ZNF438: variants seen among roughly 807,000 people sequenced by gnomAD.
The protein encoded by ZNF438 is zinc finger protein 438.
Under a neutral mutation model 38.0 loss-of-function variants are expected in ZNF438, and 25 were observed. That is an observed-to-expected ratio of 0.66 (90% CI 0.48 to 0.92). ZNF438 has a LOEUF of 0.92. Among genes scored for constraint, ZNF438 ranks in the 40% least tolerant of loss-of-function variants. The pLI is 0.00. For missense variants in ZNF438, 1,007 were observed against 999.6 expected, an observed-to-expected ratio of 1.01 and a Z score of -0.10; for synonymous variants, 372 against 364.1, an observed-to-expected ratio of 1.02 and a Z score of -0.25.
In ZNF438 at chr10:30,991,133, T is replaced by C. The variant is rs1329859804; in HGVS notation, c.-192+40700A>G. 3.9e-5 allele frequency among the ~76,000 whole-genome samples: 6 copies of C among 152,222 alleles called. No homozygotes were observed. In the South Asian group the frequency reaches 8.3e-4, roughly 21 times the overall value. The stretch of plus-strand genomic sequence containing the variant: ...CCCTGCACCTCCAAGCTCTGACTTA[T>C]GTCTTAGTCTGTTTTACTTACTCGA... On this transcript the variant is annotated intron_variant, in intron 1 of 5. Coordinates refer to ENST00000413025, the Ensembl canonical transcript of ZNF438.
intron 1 of ZNF438, among the ~76,000 whole-genome samples, chr10:30,972,700 T>C (rs971729695): frequency 2.0e-5 from 3 of 152,104 alleles, no homozygotes; most frequent in Non-Finnish European, 4.4e-5. Context: ...GACCAAGACT[T>C]CAATGATGAC....
At chr10:30,873,044 T>A (rs1477889256) in intron 4 of ZNF438, among the ~76,000 whole-genome samples, 3 of 152,236 alleles carry the variant, frequency 2.0e-5, no homozygotes, top group African/African-American at 4.8e-5. Flanking sequence ...CTTGCATTTT[T>A]AATCAGTGTG....
chr10:30,907,925 T>G (rs1175539706), intron 3 of ZNF438, among the ~76,000 whole-genome samples: 1 of 152,072 alleles, frequency 6.6e-6, no homozygotes, highest in Non-Finnish European at 1.5e-5. Flanking sequence ...GGTTATCAAT[T>G]TGAGATCTTT....
At chr10:30,853,459 C>T (rs2034063248) in intron 4 of ZNF438, among the ~76,000 whole-genome samples, 1 of 152,186 alleles carries the variant, frequency 6.6e-6, no homozygotes, top group Admixed American at 6.5e-5. Context: ...ATGGTGGCCT[C>T]TTTGCTGTTC....
chr10:31,022,102 T>C (rs565922905), intron 1 of ZNF438, among the ~76,000 whole-genome samples: 1 of 152,214 alleles, frequency 6.6e-6, no homozygotes, highest in South Asian at 2.1e-4. Flanking sequence ...TTGTGACGTG[T>C]GACAAAAAGT....
chr10:30,956,434 A>C (rs926122695), intron 1 of ZNF438, among the ~76,000 whole-genome samples: 1 of 152,164 alleles, frequency 6.6e-6, no homozygotes, highest in African/African-American at 2.4e-5. Context: ...GAACATTCAA[A>C]GCTTCTCTTG....
chr10:30,948,897 G>C (rs1200983857), intron 1 of ZNF438, among the ~76,000 whole-genome samples: 1 of 151,666 alleles, frequency 6.6e-6, no homozygotes, highest in Non-Finnish European at 1.5e-5. Flanking sequence ...GAAATACAGA[G>C]AACGCCACAA....
chr10:30,970,282 T>C (rs375507936), intron 1 of ZNF438, among the ~76,000 whole-genome samples: 22 of 152,116 alleles, frequency 1.4e-4, no homozygotes, highest in African/African-American at 4.8e-4. Context: ...TAGAAGCAAG[T>C]AGGTTAAGTC....
chr10:30,845,690 G>T, intron 5 of ZNF438, 117 bp from the exon 7 acceptor site: 1 of 1,284,860 alleles, frequency 7.8e-7, no homozygotes, highest in Non-Finnish European at 1.1e-6. Flanking sequence ...AAAGACAAGG[G>T]CTGGGGTAAA....
At chr10:31,013,447 CCA>C (rs957548057) in intron 1 of ZNF438, among the ~76,000 whole-genome samples, 1 of 152,082 alleles carries the variant, frequency 6.6e-6, no homozygotes, top group African/African-American at 2.4e-5. Context: ...AGATTCAATT[CCA>C]AACGTCCACC....
intron 1 of ZNF438, among the ~76,000 whole-genome samples, chr10:30,949,863 C>A (rs913444486): frequency 2.0e-5 from 3 of 152,040 alleles, no homozygotes; most frequent in African/African-American, 7.2e-5. Flanking sequence ...ACAAGGATAT[C>A]CAGGAATTGA....
At chr10:30,864,304 T>C (rs990463317) in intron 4 of ZNF438, among the ~76,000 whole-genome samples, 2 of 152,160 alleles carry the variant, frequency 1.3e-5, no homozygotes, top group Non-Finnish European at 1.5e-5. Context: ...AAATGGAGTA[T>C]TCCCAACCCT....
chr10:31,001,241 A>G (rs754559552), intron 1 of ZNF438, among the ~76,000 whole-genome samples: 10 of 152,246 alleles, frequency 6.6e-5, no homozygotes, highest in Admixed American at 6.5e-4. Context: ...ACTACCATTT[A>G]TATTTGACAT....
chr10:30,947,711 G>C (rs1434044161), intron 1 of ZNF438, among the ~76,000 whole-genome samples: 1 of 152,340 alleles, frequency 6.6e-6, no homozygotes, highest in East Asian at 1.9e-4. Context: ...AGCCAGGTGT[G>C]GGATATAATC....
rs1170458986 is a variant in ZNF438, at chr10:31,031,876, G to C, written c.-235C>G. ...GCGTCACAGCGGGGTGACGTCACGG[G>C]CCCAGCAGTCGGGGAGGTCAAGCCA... On this transcript the variant is annotated 5_prime_UTR_variant, in exon 1 of 6. Transcript: ENST00000413025. 6.6e-6 allele frequency: 1 copy of C among 152,584 alleles called. No individual in the cohort carries two copies. The highest frequency in any genetic ancestry group is 2.4e-5 in the African/African-American group (1 of 41,446). 9.5% of individuals were successfully genotyped at this position (152,584 alleles called of 1,614,324 possible). A position where few individuals can be genotyped will look rare whatever the true frequency, so the allele number is the denominator to read the frequency against.
chr10:31,031,625 C>G (rs1236637491), intron 1 of ZNF438, among the ~76,000 whole-genome samples: 1 of 152,152 alleles, frequency 6.6e-6, no homozygotes, highest in African/African-American at 2.4e-5. Flanking sequence ...GCTGGCCCGG[C>G]CCCACGGGGC....
chr10:30,905,624 T>C (rs2042503184), intron 3 of ZNF438, among the ~76,000 whole-genome samples: 1 of 152,208 alleles, frequency 6.6e-6, no homozygotes, highest in Admixed American at 6.5e-5. Flanking sequence ...CCATCTTACA[T>C]AGTTTTCTTT....
At position 30,909,197 on chromosome 10, in the gene ZNF438, A is replaced by G. The variant is rs78345007; in HGVS notation, c.-114-182T>C. ...TAATATGAAAGTTTACCACTTTAGT[A>G]AAGTACTAAGATTTTTTTAAATATA... On this transcript the variant is annotated intron_variant, in intron 2 of 5. Transcript: ENST00000413025. 5.9e-3 allele frequency among the ~76,000 whole-genome samples: 903 copies of G among 152,330 alleles called. 8 individuals are homozygous for G. The highest frequency in any genetic ancestry group is 0.021 in the African/African-American group (870 of 41,580).
chr10:30,977,454 G>A (rs141020382), intron 1 of ZNF438, among the ~76,000 whole-genome samples: 1 of 152,180 alleles, frequency 6.6e-6, no homozygotes, highest in African/African-American at 2.4e-5. Context: ...GGTTTCCAAA[G>A]TAGTTTCCAA....
Sources: gnomAD v4.1 joint callset for allele counts (sites outside exome capture counted in the v4.1 genomes callset) on GRCh38, gnomAD v4.1.1 for gene constraint, MANE v1.5 for transcripts, NCBI Gene and HGNC (gene_info 2026-07-23, HGNC 2026-07-21) for gene names.